The following RPS6KA6 variants were observed in gnomAD, a reference collection of about 807,000 sequenced individuals.
RPS6KA6 encodes the protein ribosomal protein S6 kinase A6, also known as ribosomal protein S6 kinase alpha-6.
In RPS6KA6, 27 loss-of-function variants were observed where a neutral mutation model predicts 65.4. That is an observed-to-expected ratio of 0.41 (90% CI 0.30 to 0.57). The LOEUF (loss-of-function observed/expected upper bound fraction) is 0.57, where lower values mean the gene tolerates loss of function less well. Ranked by LOEUF, RPS6KA6 falls within the 20% of genes least tolerant of loss-of-function variation. The pLI, the probability that RPS6KA6 is intolerant of heterozygous loss-of-function variation, is 0.24. For missense variants in RPS6KA6, 486 were observed against 555.6 expected, an observed-to-expected ratio of 0.87 and a Z score of 1.26; for synonymous variants, 190 against 184.2, an observed-to-expected ratio of 1.03 and a Z score of -0.26.
chrX:84,179,172 C>T (rs987287179), intron 1 of RPS6KA6, among the ~76,000 whole-genome samples: 1 of 111,020 alleles, frequency 9.0e-6, no homozygotes, highest in Non-Finnish European at 1.9e-5. Context: ...TGCTTAGCAA[C>T]ATGTGTCATT....
intron 8 of RPS6KA6, among the ~76,000 whole-genome samples, chrX:84,131,675 A>G (rs1157253935): frequency 8.9e-6 from 1 of 112,208 alleles, no homozygotes; most frequent in Non-Finnish European, 1.9e-5. Flanking sequence ...TTTAACAACT[A>G]TAATTTGCTC....
chrX:84,134,600 A>G (rs996628690), intron 8 of RPS6KA6, among the ~76,000 whole-genome samples, 182 bp downstream of exon 8: 5 of 111,455 alleles, frequency 4.5e-5, no homozygotes, highest in African/African-American at 1.6e-4. Context: ...CAATTTTTTA[A>G]TATTACAATT....
intron 8 of RPS6KA6, among the ~76,000 whole-genome samples, chrX:84,127,381 T>G (rs2034814375): frequency 9.0e-6 from 1 of 110,915 alleles, no homozygotes; most frequent in Non-Finnish European, 1.9e-5. Flanking sequence ...GCTACACTCC[T>G]CCAAACATTT....
intron 8 of RPS6KA6, among the ~76,000 whole-genome samples, chrX:84,129,659 T>C (rs2034860036): frequency 8.9e-6 from 1 of 111,737 alleles, no homozygotes; most frequent in Non-Finnish European, 1.9e-5. Flanking sequence ...CAGAGTACTA[T>C]TCATCCATAA....
chrX:84,139,484 C>T (rs6524275), intron 6 of RPS6KA6, among the ~76,000 whole-genome samples: 6,902 of 111,461 alleles, frequency 0.062, 230 homozygotes, highest in East Asian at 0.2. Flanking sequence ...CCTATGCTCA[C>T]GCATGGCACA....
chrX:84,164,916 T>C (rs1294142659), intron 1 of RPS6KA6, among the ~76,000 whole-genome samples: 2 of 111,626 alleles, frequency 1.8e-5, no homozygotes, highest in African/African-American at 6.5e-5. Context: ...CAGAGCTCAG[T>C]AGGTAATACT....
chrX:84,069,102 C>A (rs1049717801), intron 20 of RPS6KA6, among the ~76,000 whole-genome samples: 1 of 111,967 alleles, frequency 8.9e-6, no homozygotes, highest in Non-Finnish European at 1.9e-5. Context: ...GCCCATATAG[C>A]CAAAACAATC....
intron 15 of RPS6KA6, 79 bp downstream of exon 15, chrX:84,106,286 C>T: frequency 3.4e-6 from 3 of 895,484 alleles, no homozygotes; most frequent in Non-Finnish European, 4.7e-6. Context: ...ATTTACTCCA[C>T]TGAAAATGTT....
At chrX:84,067,851 T>G (rs1236523119) in intron 20 of RPS6KA6, among the ~76,000 whole-genome samples, 1 of 111,506 alleles carries the variant, frequency 9.0e-6, no homozygotes, top group Non-Finnish European at 1.9e-5. Context: ...GGAAAAAATG[T>G]TAAGGGCAGC....
intron 13 of RPS6KA6, 38 bp from the exon 14 acceptor site, chrX:84,107,078 A>G: frequency 9.0e-7 from 1 of 1,115,873 alleles, no homozygotes; most frequent in Non-Finnish European, 1.2e-6. Flanking sequence ...ATAACTACAC[A>G]CAGAATTCTA....
chrX:84,185,080 A>G (rs902983229), intron 1 of RPS6KA6, among the ~76,000 whole-genome samples: 1 of 111,309 alleles, frequency 9.0e-6, no homozygotes, highest in Non-Finnish European at 1.9e-5. Flanking sequence ...TTGCCCAGGA[A>G]TGACCAATAC....
intron 6 of RPS6KA6, among the ~76,000 whole-genome samples, chrX:84,143,726 G>A (rs1029935199): frequency 1.8e-5 from 2 of 111,021 alleles, no homozygotes; most frequent in African/African-American, 6.5e-5. Context: ...ACCTAGAAGA[G>A]CCAAACTTTC....
At chrX:84,143,809 A>G (rs1661064813) in intron 6 of RPS6KA6, among the ~76,000 whole-genome samples, 1 of 111,533 alleles carries the variant, frequency 9.0e-6, no homozygotes, top group African/African-American at 3.2e-5. Flanking sequence ...AGTAATTCAG[A>G]CAGTGTGGTA....
intron 1 of RPS6KA6, among the ~76,000 whole-genome samples, chrX:84,176,073 T>C (rs1309240925): frequency 8.9e-6 from 1 of 112,314 alleles, no homozygotes; most frequent in African/African-American, 3.2e-5. Context: ...ACTAAGTATG[T>C]CAATATTGCA....
chrX:84,096,273 T>C lies in RPS6KA6; in HGVS notation c.1892A>G (p.Glu631Gly). Residue 631 changes from glutamate to glycine, a missense_variant, in exon 20 of 22, where the codon GAA (glutamate) becomes GGA (glycine). Physicochemically the swap from Glu to Gly is moderately conservative, Grantham distance 98. This residue lies in a region of RPS6KA6 where 345 missense variants were observed against 375.0 expected (regional missense o/e 0.92). Coordinates refer to ENST00000262752, the MANE Select transcript of RPS6KA6 (RefSeq NM_014496.5). Reference protein sequence around the residue: ...PFANGPNDTPEEILLRIGNGK... With the variant: ...PFANGPNDTPGEILLRIGNGK... ...ATTGCCTATACGCAGCAGTATCTCT[T>C]CAGGAGTATCATTGGGGCCATTAGC... 1 of 1,183,063 alleles carries C rather than the reference T, an allele frequency of 8.5e-7. No individual in the cohort carries two copies. The highest frequency in any genetic ancestry group is 1.8e-5 in the African/African-American group (1 of 56,729).
At chrX:84,107,250 C>T (rs1038828933) in intron 13 of RPS6KA6, among the ~76,000 whole-genome samples, 1 of 111,806 alleles carries the variant, frequency 8.9e-6, no homozygotes, top group African/African-American at 3.2e-5. Context: ...ACTGCATCCT[C>T]ATTGCTTAGT....
intron 6 of RPS6KA6, among the ~76,000 whole-genome samples, chrX:84,137,477 T>A (rs5968266): frequency 0.018 from 1,984 of 111,141 alleles, 55 homozygotes; most frequent in African/African-American, 0.06. Flanking sequence ...AATTTTTTTT[T>A]AAAAATGGAA....
At position 84,110,995 on chromosome X, in the gene RPS6KA6, T is replaced by A. The variant is rs190422700; in HGVS notation, c.1009-3270A>T. ...TCAGGAGATAAAAGATAAATAAATA[T>A]ATATATATATATATATTTAAATTCT... On this transcript the variant is annotated intron_variant, in intron 12 of 21. Coordinates refer to ENST00000262752, the MANE Select transcript of RPS6KA6 (RefSeq NM_014496.5). Among the ~76,000 whole-genome samples the A allele has an allele frequency of 3.1e-3, 328 of 104,830 alleles. 1 individual carries two copies. Among genetic ancestry groups the A allele is most frequent in the South Asian group, 0.013 (32 of 2,426 alleles). 91.0% of individuals were successfully genotyped at this position (104,830 alleles called of 115,157 possible).
Position 84,156,154 on chromosome X carries a change from T to C in RPS6KA6, c.179A>G (p.His60Arg). 8.5e-7 allele frequency: 1 copy of C among 1,180,870 alleles called. No homozygotes were observed. Among genetic ancestry groups the C allele is most frequent in the South Asian group, 1.8e-5 (1 of 55,984 alleles). Residue 60 changes from histidine (H) to arginine (R), a missense_variant, in exon 3 of 22, where the codon CAT (histidine) becomes CGT (arginine). This residue lies in a region of RPS6KA6 where 106 missense variants were observed against 105.0 expected (regional missense o/e 1.01). Transcript: ENST00000262752. ...GVVKEIPITH[H>R]VKEGYEKADP... ...TGCTTTCTCATAGCCTTCCTTAACA[T>C]GATGAGTAATAGGGATTTCTTTAAC...
Sources: gnomAD v4.1 joint callset for allele counts (sites outside exome capture counted in the v4.1 genomes callset) on GRCh38, gnomAD v4.1.1 for gene constraint, gnomAD v4.1.1 regional missense constraint, MANE v1.5 for transcripts, NCBI Gene and HGNC (gene_info 2026-07-23, HGNC 2026-07-21) for gene names.